Variants in IL1RL2 observed in about 807,000 individuals in gnomAD.
The protein encoded by IL1RL2 is interleukin 1 receptor like 2.
Under a neutral mutation model 66.8 loss-of-function variants are expected in IL1RL2, and 68 were observed. That is an observed-to-expected ratio of 1.02 (90% CI 0.84 to 1.25). IL1RL2 has a LOEUF of 1.25. IL1RL2 is among the 50% of genes most tolerant of loss of function. IL1RL2 has a pLI of 0.00. For synonymous variants in IL1RL2, 305 were observed against 264.6 expected (o/e 1.15, Z -1.48); for missense variants, 729 against 709.3 (o/e 1.03, Z -0.32).
intron 2 of IL1RL2, 80 bp from the exon 3 acceptor site, chr2:102,188,996 G>T (rs762007533): frequency 7.1e-6 from 7 of 987,976 alleles, no homozygotes; most frequent in Non-Finnish European, 1.1e-5. Context: ...AATTGAAGAG[G>T]CATTTAAAAA....
Position 102,232,964 on chromosome 2 carries a change from T to C in IL1RL2, c.1137T>C (p.Asp379=). 6.2e-7 allele frequency: 1 copy of C among 1,604,924 alleles called. No homozygotes were observed. The highest frequency in any genetic ancestry group is 8.5e-7 in the Non-Finnish European group (1 of 1,173,564). The change falls in exon 10 of 12, where the codon GAT becomes GAC. Residue 379 remains aspartate (D), a splice_region_variant and synonymous_variant. Transcript: ENST00000264257. ...CAAGCTTGTCCAATTCCTTTTCAGATGGGAAGCTGTATGACGCCTATGTCT... is the reference window on the plus strand; with the variant it reads ...CAAGCTTGTCCAATTCCTTTTCAGACGGGAAGCTGTATGACGCCTATGTCT... The part of the protein sequence containing the change: ...SAFHSTETIV[D]GKLYDAYVLY...
Position 102,239,291 on chromosome 2 carries a change from T to C in IL1RL2, c.*50T>C, listed in dbSNP as rs766719341. ...CTGGAAGATGACTTGTTTTGCTCCA[T>C]GTCTCCTCATTCCTACACCTATTTT... On this transcript the variant is annotated 3_prime_UTR_variant, in exon 12 of 12. Transcript: ENST00000264257. 9.8e-6 allele frequency: 15 copies of C among 1,537,236 alleles called. No homozygotes were observed. The highest frequency in any genetic ancestry group is 1.4e-5 in the African/African-American group (1 of 73,526).
chr2:102,226,410 C>A (rs1345125741), intron 9 of IL1RL2, among the ~76,000 whole-genome samples: 1 of 152,214 alleles, frequency 6.6e-6, no homozygotes, highest in Non-Finnish European at 1.5e-5. Flanking sequence ...ACAGTGGGTA[C>A]TTTCTCAGAA....
At chr2:102,198,888 G>A (rs961951487) in intron 4 of IL1RL2, among the ~76,000 whole-genome samples, 12 of 151,932 alleles carry the variant, frequency 7.9e-5, no homozygotes, top group Non-Finnish European at 1.6e-4. Flanking sequence ...AGATTTCTTT[G>A]TCCAACCGTC....
At position 102,201,175 on chromosome 2, in the gene IL1RL2, C is replaced by T. The variant is rs969163467; in HGVS notation, c.490-381C>T. ...CATGTCCTCCTGCAAAAAACTGACC[C>T]AGGCTCAGTTTTCCTCCATGAAGTC... On this transcript the variant is annotated intron_variant, in intron 4 of 11. Coordinates refer to ENST00000264257, the MANE Select transcript of IL1RL2 (RefSeq NM_003854.4). Among the ~76,000 whole-genome samples, 18 of 152,076 alleles carry T rather than the reference C, an allele frequency of 1.2e-4. 1 individual carries two copies.
intron 6 of IL1RL2, among the ~76,000 whole-genome samples, chr2:102,218,701 C>T (rs187604395): frequency 1.3e-5 from 2 of 152,106 alleles, no homozygotes; most frequent in Non-Finnish European, 2.9e-5. Context: ...GTAGAAATAG[C>T]ATTTGTGTAC....
chr2:102,229,488 G>A (rs565544657), intron 9 of IL1RL2, among the ~76,000 whole-genome samples: 4 of 152,154 alleles, frequency 2.6e-5, no homozygotes, highest in East Asian at 1.9e-4. Flanking sequence ...TGGAGAGATC[G>A]CACAGTCTTG....
chr2:102,224,028 T>C (rs369530876), intron 8 of IL1RL2, among the ~76,000 whole-genome samples: 26 of 152,342 alleles, frequency 1.7e-4, no homozygotes, highest in African/African-American at 6.3e-4. Flanking sequence ...TATTGTGCCA[T>C]GTATTTAAAG....
At chr2:102,209,927 T>C (rs576367010) in intron 5 of IL1RL2, among the ~76,000 whole-genome samples, 349 of 152,238 alleles carry the variant, frequency 2.3e-3, no homozygotes, top group Non-Finnish European at 4.0e-3. Flanking sequence ...AGAGAGAACA[T>C]GGTGGTGAAG....
chr2:102,241,803 G>C (rs1365508180), downstream of IL1RL2, among the ~76,000 whole-genome samples: 1 of 152,218 alleles, frequency 6.6e-6, no homozygotes, highest in Admixed American at 6.5e-5. Flanking sequence ...TGTATCACCG[G>C]CTGGGTATTT....
chr2:102,239,134 T>C (rs1231963011), intron 11 of IL1RL2, 58 bp from the exon 12 acceptor site: 2 of 1,526,006 alleles, frequency 1.3e-6, no homozygotes, highest in African/African-American at 1.4e-5. Context: ...GGTTTCCTTA[T>C]CAGCCCCCAT....
At chr2:102,213,413 G>A (rs1312158379) in intron 6 of IL1RL2, among the ~76,000 whole-genome samples, 1 of 152,126 alleles carries the variant, frequency 6.6e-6, no homozygotes, top group Non-Finnish European at 1.5e-5. Context: ...AGTATGTGAA[G>A]TGACGGATTT....
At chr2:102,211,415 A>G (rs1689158792) in intron 5 of IL1RL2, among the ~76,000 whole-genome samples, 1 of 152,102 alleles carries the variant, frequency 6.6e-6, no homozygotes, top group Admixed American at 6.5e-5. Context: ...GTAGAAGAGG[A>G]CGGGATATAA....
chr2:102,216,702 C>A (rs1689644988), intron 6 of IL1RL2, among the ~76,000 whole-genome samples: 1 of 151,984 alleles, frequency 6.6e-6, no homozygotes, highest in African/African-American at 2.4e-5. Context: ...TCTCTGTAGT[C>A]CTAAGCTTTG....
intron 10 of IL1RL2, among the ~76,000 whole-genome samples, chr2:102,233,390 T>C (rs1042407432): frequency 2.6e-5 from 4 of 152,148 alleles, no homozygotes; most frequent in African/African-American, 4.8e-5. Context: ...AGTGAGGATA[T>C]GGTTAAGCCA....
intron 5 of IL1RL2, among the ~76,000 whole-genome samples, chr2:102,211,569 C>T (rs1407069227): frequency 6.6e-6 from 1 of 152,080 alleles, no homozygotes; most frequent in Non-Finnish European, 1.5e-5. Context: ...CCCACCAGTT[C>T]CCAAGATTAT....
intron 4 of IL1RL2, among the ~76,000 whole-genome samples, chr2:102,193,049 C>T (rs1687369693): frequency 6.6e-6 from 1 of 152,158 alleles, no homozygotes; most frequent in African/African-American, 2.4e-5. Flanking sequence ...CTCTCTTACA[C>T]ACATACACAC....
At position 102,239,327 on chromosome 2, in the gene IL1RL2, A is replaced by G. The variant is rs940715036; in HGVS notation, c.*86A>G. ...TCCTACACCTATTTTCTGCTGCAGG[A>G]TGAGGCTAGGGTTAGCATTCTAGAC... On this transcript the variant is annotated 3_prime_UTR_variant, in exon 12 of 12. Coordinates refer to ENST00000264257, the MANE Select transcript of IL1RL2 (RefSeq NM_003854.4). 5.3e-6 allele frequency: 7 copies of G among 1,318,582 alleles called. No homozygotes were observed. Among genetic ancestry groups the G allele is most frequent in the Non-Finnish European group, 6.6e-6 (6 of 912,984 alleles). The allele number at this position is 1,318,582 out of a possible 1,614,324, so 81.7% of individuals were successfully genotyped here.
intron 9 of IL1RL2, among the ~76,000 whole-genome samples, chr2:102,227,770 T>G (rs1690757310): frequency 6.6e-6 from 1 of 152,154 alleles, no homozygotes; most frequent in Admixed American, 6.5e-5. Context: ...TACGTATTCT[T>G]CCTGGAAGCT....
Sources: gnomAD v4.1 joint callset for allele counts (sites outside exome capture counted in the v4.1 genomes callset) on GRCh38, gnomAD v4.1.1 for gene constraint, MANE v1.5 for transcripts, NCBI Gene and HGNC (gene_info 2026-07-23, HGNC 2026-07-21) for gene names.